The following RARB variants were observed in gnomAD, a reference collection of about 807,000 sequenced individuals.
The protein encoded by RARB is retinoic acid receptor beta, also known as HBV-activated protein.
RARB carries 17 observed loss-of-function variants against 51.9 expected under a neutral mutation model. The ratio of observed to expected loss-of-function variants is 0.33; its 90% confidence interval spans 0.22 to 0.49. The LOEUF (loss-of-function observed/expected upper bound fraction) is 0.49, where lower values mean the gene tolerates loss of function less well. Among genes scored for constraint, RARB ranks in the 20% least tolerant of loss-of-function variants. RARB has a pLI of 0.99. For synonymous variants in RARB, 215 were observed against 195.4 expected, an observed-to-expected ratio of 1.10 and a Z score of -0.84; for missense variants, 369 against 550.8, an observed-to-expected ratio of 0.67 and a Z score of 3.30.
chr3:24,910,997 T>C (rs1694978416), intron 2 of RARB, among the ~76,000 whole-genome samples: 1 of 152,212 alleles, frequency 6.6e-6, no homozygotes, highest in Non-Finnish European at 1.5e-5. Flanking sequence ...CCTGTAACTA[T>C]TGCTTCCAGC....
At chr3:25,175,619 T>G (rs1437712317) in intron 5 of RARB, among the ~76,000 whole-genome samples, 2 of 152,144 alleles carry the variant, frequency 1.3e-5, no homozygotes, top group Non-Finnish European at 2.9e-5. Context: ...TCAAAAATAG[T>G]AGGGGATGGG....
chr3:24,981,076 G>A (rs764805373), intron 2 of RARB, among the ~76,000 whole-genome samples: 2 of 152,316 alleles, frequency 1.3e-5, no homozygotes, highest in East Asian at 3.9e-4. Flanking sequence ...GACCTTGTTT[G>A]CCTGGGTATC....
intron 6 of RARB, 33 bp from the exon 7 acceptor site, chr3:25,594,487 G>T (rs931055048): frequency 3.5e-5 from 55 of 1,562,442 alleles, no homozygotes; most frequent in Non-Finnish European, 4.7e-5. Context: ...CATAAATCCT[G>T]ATTTTGTTTA....
At chr3:24,893,279 A>G (rs912650857) in intron 2 of RARB, among the ~76,000 whole-genome samples, 1 of 152,242 alleles carries the variant, frequency 6.6e-6, no homozygotes, top group Non-Finnish European at 1.5e-5. Flanking sequence ...TTTAAGATGG[A>G]CCATATTTAT....
chr3:25,522,116 G>T (rs1698426699), intron 3 of RARB, among the ~76,000 whole-genome samples: 1 of 151,828 alleles, frequency 6.6e-6, no homozygotes, highest in Admixed American at 6.6e-5. Context: ...CCTCACTCAA[G>T]AAAATATATG....
At chr3:25,128,606 C>T (rs1191881724) in intron 3 of RARB, among the ~76,000 whole-genome samples, 1 of 151,428 alleles carries the variant, frequency 6.6e-6, no homozygotes, top group African/African-American at 2.4e-5. Flanking sequence ...GTAACATTTA[C>T]ATTTTACCTT....
At chr3:24,850,249 C>G (rs73820097) in intron 1 of RARB, among the ~76,000 whole-genome samples, 1,553 of 152,238 alleles carry the variant, frequency 0.01, 22 homozygotes, top group African/African-American at 0.032. Flanking sequence ...ATTTTCAGAC[C>G]ATAGCAACAG....
At chr3:25,577,498 GGAA>G (rs1700988013) in intron 4 of RARB, among the ~76,000 whole-genome samples, 1 of 152,172 alleles carries the variant, frequency 6.6e-6, no homozygotes, top group Non-Finnish European at 1.5e-5. Flanking sequence ...TCAGGCCTAA[GGAA>G]GAAGGAGGCA....
intron 5 of RARB, among the ~76,000 whole-genome samples, chr3:25,305,312 G>A (rs1704129465): frequency 6.6e-6 from 1 of 152,074 alleles, no homozygotes; most frequent in Non-Finnish European, 1.5e-5. Context: ...CATTAATTAG[G>A]TAAACCCATG....
At chr3:24,961,565 T>A (rs1424150641) in intron 2 of RARB, among the ~76,000 whole-genome samples, 1 of 150,956 alleles carries the variant, frequency 6.6e-6, no homozygotes, top group Admixed American at 6.6e-5. Context: ...AGGAATCATA[T>A]GAGACTTTCC....
chr3:25,254,244 CCTTATGGA>C (rs1702802504), intron 5 of RARB, among the ~76,000 whole-genome samples: 1 of 152,122 alleles, frequency 6.6e-6, no homozygotes, highest in South Asian at 2.1e-4. Context: ...GCTGTGTGTT[CCTTATGGA>C]CTTCAAGATT....
chr3:25,050,570 A>G (rs1490096186), intron 2 of RARB, among the ~76,000 whole-genome samples: 1 of 152,162 alleles, frequency 6.6e-6, no homozygotes, highest in East Asian at 1.9e-4. Flanking sequence ...CTTTTCCACC[A>G]CTGATTCCTT....
intron 5 of RARB, among the ~76,000 whole-genome samples, chr3:25,238,609 C>T (rs917384114): frequency 5.9e-5 from 9 of 152,178 alleles, no homozygotes; most frequent in Non-Finnish European, 8.8e-5. Flanking sequence ...AGCTGCACTA[C>T]TTTACATCCC....
At chr3:25,210,138 T>C (rs1701653673) in intron 5 of RARB, among the ~76,000 whole-genome samples, 1 of 152,068 alleles carries the variant, frequency 6.6e-6, no homozygotes, top group Non-Finnish European at 1.5e-5. Context: ...AGACAGAAAA[T>C]AATAGAAGTA....
rs944940751 is a variant in RARB at position 25,564,253 on chromosome 3, A to G, written c.449-5505A>G. On this transcript the variant is annotated intron_variant, in intron 3 of 7. Transcript: ENST00000330688. ...TTTTATTACATTCATTTCATTTGCA[A>G]TATGATAGTGGATCATAAATATGTT... 2.0e-5 allele frequency among the ~76,000 whole-genome samples: 3 copies of G among 152,194 alleles called. No individual in the cohort carries two copies. The East Asian group carries it at 5.8e-4, about 29-fold the overall frequency.
intron 5 of RARB, among the ~76,000 whole-genome samples, chr3:25,264,277 G>A (rs376244728): frequency 8.5e-5 from 13 of 152,270 alleles, no homozygotes; most frequent in East Asian, 3.9e-4. Context: ...AATGGATACC[G>A]TCATCCCAGT....
intron 5 of RARB, among the ~76,000 whole-genome samples, chr3:25,317,525 G>A (rs577027202): frequency 3.3e-5 from 5 of 152,152 alleles, no homozygotes; most frequent in East Asian, 1.9e-4. Context: ...ACTTGAGATC[G>A]CCGAGTGAGC....
At chr3:25,085,546 C>T (rs1191865228) in intron 3 of RARB, among the ~76,000 whole-genome samples, 1 of 151,980 alleles carries the variant, frequency 6.6e-6, no homozygotes, top group Non-Finnish European at 1.5e-5. Context: ...CTCATCTGGC[C>T]CCTGTCAATT....
chr3:25,141,713 T>G (rs1355228262), intron 4 of RARB, among the ~76,000 whole-genome samples: 1 of 152,228 alleles, frequency 6.6e-6, no homozygotes. Context: ...AATCATATTT[T>G]CTTAAAAGGA....
Sources: allele counts gnomAD v4.1 joint callset (sites outside exome capture counted in the v4.1 genomes callset), GRCh38; gene constraint gnomAD v4.1.1; transcripts MANE v1.5; gene names NCBI Gene and HGNC (gene_info 2026-07-23, HGNC 2026-07-21).